SETBP1: variants seen among roughly 807,000 people sequenced by gnomAD.
The protein encoded by SETBP1 is SET-binding protein.
Under a neutral mutation model 101.0 loss-of-function variants are expected in SETBP1, and 9 were observed. The observed-to-expected ratio is 0.09, with a 90% confidence interval of 0.05 to 0.16. The LOEUF is 0.16. Among genes scored for constraint, SETBP1 ranks in the 10% least tolerant of loss-of-function variants. The pLI is 1.00. For missense variants in SETBP1, 1,858 were observed against 2,033.8 expected, an observed-to-expected ratio of 0.91 and a Z score of 1.66; for synonymous variants, 818 against 788.5, an observed-to-expected ratio of 1.04 and a Z score of -0.63.
At chr18:44,766,870 G>A (rs1321569907) in intron 2 of SETBP1, among the ~76,000 whole-genome samples, 1 of 152,166 alleles carries the variant, frequency 6.6e-6, no homozygotes, top group East Asian at 1.9e-4. Flanking sequence ...TTTCAAAAAT[G>A]TAAAATGAAA....
chr18:44,836,418 T>G (rs1429182291), intron 2 of SETBP1, among the ~76,000 whole-genome samples: 1 of 152,176 alleles, frequency 6.6e-6, no homozygotes, highest in Non-Finnish European at 1.5e-5. Context: ...AAACTGGAAG[T>G]GCCCTTAGGC....
chr18:44,859,548 T>C (rs1200485255), intron 2 of SETBP1, among the ~76,000 whole-genome samples: 2 of 152,184 alleles, frequency 1.3e-5, no homozygotes, highest in Non-Finnish European at 2.9e-5. Flanking sequence ...GGTGAGTTAT[T>C]TAAGCAGTTT....
chr18:44,783,041 A>G (rs1397872456), intron 2 of SETBP1, among the ~76,000 whole-genome samples: 1 of 152,204 alleles, frequency 6.6e-6, no homozygotes, highest in Non-Finnish European at 1.5e-5. Context: ...ATTTCTGGGA[A>G]TTTGGACTAG....
chr18:44,940,202 T>C (rs1413016478), intron 3 of SETBP1, among the ~76,000 whole-genome samples: 2 of 152,224 alleles, frequency 1.3e-5, no homozygotes, highest in African/African-American at 2.4e-5. Context: ...AGCATTCTTA[T>C]GTTTAGTGTT....
At chr18:44,900,835 C>T (rs1289185232) in intron 3 of SETBP1, among the ~76,000 whole-genome samples, 2 of 152,160 alleles carry the variant, frequency 1.3e-5, no homozygotes, top group Non-Finnish European at 2.9e-5. Flanking sequence ...CTGCCACAAC[C>T]ACCAGTGAAG....
chr18:45,013,903 G>T (rs1490959334), intron 4 of SETBP1, among the ~76,000 whole-genome samples: 1 of 152,208 alleles, frequency 6.6e-6, no homozygotes, highest in African/African-American at 2.4e-5. Context: ...TTCAGGAAAA[G>T]GCATGTGGTG....
At chr18:44,836,499 T>TGTTCCACTCTACTCCACTCC (rs2072497951) in intron 2 of SETBP1, among the ~76,000 whole-genome samples, 1 of 152,084 alleles carries the variant, frequency 6.6e-6, no homozygotes, top group Non-Finnish European at 1.5e-5. Context: ...CACTCCACTC[T>TGTTCCACTCTACTCCACTCC]GCTCCACTCT....
At chr18:44,826,451 G>A (rs925101984) in intron 2 of SETBP1, among the ~76,000 whole-genome samples, 7 of 152,074 alleles carry the variant, frequency 4.6e-5, no homozygotes, top group East Asian at 1.9e-4. Context: ...GGGGTTCCAG[G>A]GCCCAGTGGC....
intron 2 of SETBP1, among the ~76,000 whole-genome samples, chr18:44,746,583 A>T (rs1419560261): frequency 1.3e-5 from 2 of 152,232 alleles, no homozygotes; most frequent in Non-Finnish European, 2.9e-5. Context: ...GAGTTGGAAT[A>T]TCTCTTTGTT....
intron 2 of SETBP1, among the ~76,000 whole-genome samples, chr18:44,846,234 A>T (rs2072721988): frequency 6.6e-6 from 1 of 151,760 alleles, no homozygotes; most frequent in African/African-American, 2.4e-5. Context: ...TTGCTCCTTT[A>T]TTTTTAAAGT....
chr18:45,043,392 C>T (rs1263309963), intron 5 of SETBP1, among the ~76,000 whole-genome samples: 1 of 151,738 alleles, frequency 6.6e-6, no homozygotes, highest in Admixed American at 6.6e-5. Context: ...CACACACACA[C>T]ACACAAACAC....
chr18:45,056,215 C>G (rs2073806120), intron 5 of SETBP1, among the ~76,000 whole-genome samples: 1 of 152,172 alleles, frequency 6.6e-6, no homozygotes. Context: ...TATGGGTCTT[C>G]TTCATCTCAT....
intron 2 of SETBP1, among the ~76,000 whole-genome samples, chr18:44,826,398 C>A (rs1464872840): frequency 6.6e-6 from 1 of 152,096 alleles, no homozygotes; most frequent in Admixed American, 6.5e-5. Context: ...CATCTAGGGC[C>A]CCTTTTTGGC....
Position 44,716,760 on chromosome 18 carries a change from C to T in SETBP1, c.486+14928C>T, listed in dbSNP as rs536922654. ...GTATTTTTAGTAGAGAAGGTGTTTC[C>T]CCATCTTGGCCAGGCTAGTCTTGAA... On this transcript the variant is annotated intron_variant, in intron 2 of 5. Transcript: ENST00000649279. 5.9e-5 allele frequency among the ~76,000 whole-genome samples: 9 copies of T among 152,106 alleles called. No individual in the cohort carries two copies. The East Asian group carries it at 1.6e-3, about 26-fold the overall frequency.
chr18:44,976,073 T>TAC (rs57458132), intron 4 of SETBP1, among the ~76,000 whole-genome samples: 4,961 of 143,584 alleles, frequency 0.035, 72 homozygotes, highest in Admixed American at 0.049. Context: ...TGGGGAGGGA[T>TAC]ACACACACAC....
chr18:44,694,043 T>C (rs1359577748), intron 1 of SETBP1, among the ~76,000 whole-genome samples: 1 of 152,184 alleles, frequency 6.6e-6, no homozygotes, highest in East Asian at 1.9e-4. Flanking sequence ...ATAGAGCATA[T>C]TGTGAAGTTT....
intron 1 of SETBP1, among the ~76,000 whole-genome samples, chr18:44,699,609 C>T (rs1257555578): frequency 6.6e-6 from 1 of 152,194 alleles, no homozygotes. Context: ...TCAACAGTGT[C>T]AGTGAAGATG....
At chr18:45,056,042 A>G (rs1197734098) in intron 5 of SETBP1, among the ~76,000 whole-genome samples, 2 of 152,234 alleles carry the variant, frequency 1.3e-5, no homozygotes, top group Non-Finnish European at 2.9e-5. Flanking sequence ...CTGCAGGGTA[A>G]CATTACTGAC....
intron 4 of SETBP1, among the ~76,000 whole-genome samples, chr18:44,981,458 T>G (rs2072111366): frequency 6.6e-6 from 1 of 152,252 alleles, no homozygotes; most frequent in African/African-American, 2.4e-5. Flanking sequence ...CCAGCAAACC[T>G]GCTTATTTAT....
Sources: allele counts gnomAD v4.1 joint callset (sites outside exome capture counted in the v4.1 genomes callset), GRCh38; gene constraint gnomAD v4.1.1; transcripts MANE v1.5; gene names NCBI Gene and HGNC (gene_info 2026-07-23, HGNC 2026-07-21).